FCSK: variants seen among roughly 807,000 people sequenced by gnomAD.
FCSK encodes the protein L-fucose kinase.
A neutral mutation model predicts 122.5 loss-of-function variants in FCSK; 123 were observed. The observed-to-expected ratio is 1.00, with a 90% confidence interval of 0.87 to 1.17. The LOEUF (loss-of-function observed/expected upper bound fraction) is 1.17, where lower values mean the gene tolerates loss of function less well. Among genes scored for constraint, FCSK ranks in the 50% most tolerant of loss-of-function variants. FCSK has a pLI of 0.00. For synonymous variants in FCSK, 620 were observed against 625.5 expected (o/e 0.99, Z 0.13); for missense variants, 1,366 against 1,450.4 (o/e 0.94, Z 0.95).
chr16:70,466,374 G>A (rs532937551), intron 5 of FCSK, 117 bp downstream of exon 5: 2 of 1,317,336 alleles, frequency 1.5e-6, no homozygotes, highest in East Asian at 2.5e-5. Context: ...TTTTGAGGGT[G>A]CCTAATGTTA....
intron 7 of FCSK, 79 bp from the exon 8 acceptor site, chr16:70,467,807 T>C: frequency 2.4e-6 from 3 of 1,241,486 alleles, no homozygotes; most frequent in Non-Finnish European, 3.6e-6. Context: ...GAGAATGCCC[T>C]TGCTGCCACC....
chr16:70,470,504 C>T, intron 11 of FCSK, 78 bp downstream of exon 11: 1 of 888,186 alleles, frequency 1.1e-6, no homozygotes. Context: ...AAGAAAATAG[C>T]CGGCACTTGG....
chr16:70,462,715 G>T (rs2048303992), intron 1 of FCSK, among the ~76,000 whole-genome samples: 1 of 152,128 alleles, frequency 6.6e-6, no homozygotes, highest in Non-Finnish European at 1.5e-5. Flanking sequence ...CGCGATCTTG[G>T]CCCACTGCAG....
At chr16:70,455,011 C>T (rs897398234) in intron 1 of FCSK, 2 of 152,194 alleles carry the variant, frequency 1.3e-5, no homozygotes, top group Non-Finnish European at 2.9e-5. Flanking sequence ...GTTTACCCGG[C>T]CAGGGCTCAG....
At chr16:70,467,343 C>A in intron 6 of FCSK, 31 bp from the exon 7 acceptor site, 1 of 1,538,946 alleles carries the variant, frequency 6.5e-7, no homozygotes, top group South Asian at 1.2e-5. Context: ...GTGGAGGCCC[C>A]TGGGAGCCTC....
chr16:70,468,858 G>A lies in FCSK; in HGVS notation c.673G>A (p.Val225Ile). 2 of 1,614,088 alleles carry A rather than the reference G, an allele frequency of 1.2e-6. No homozygotes were observed. The highest frequency in any genetic ancestry group is 1.1e-5 in the South Asian group (1 of 91,080). ...TTGGGGTCCCTTCCAGGTCTCTGGG[G>A]TTGTCTTCTTCTCTGTGGAGACTGC... ...PDGRVPLVSG[V>I]VFFSVETAER... Residue 225 changes from valine to isoleucine, a missense_variant, in exon 9 of 24, where the codon GTT becomes ATT. Transcript: ENST00000288078.
chr16:70,468,754 A>G, intron 8 of FCSK, 95 bp from the exon 9 acceptor site: 3 of 1,492,104 alleles, frequency 2.0e-6, no homozygotes, highest in Non-Finnish European at 1.8e-6. Flanking sequence ...TATGGCACTC[A>G]GCTTCATGTG....
intron 5 of FCSK, 72 bp from the exon 6 acceptor site, chr16:70,466,810 C>A (rs1008470929): frequency 1.4e-6 from 2 of 1,394,064 alleles, no homozygotes; most frequent in African/African-American, 1.4e-5. Flanking sequence ...AGCACAGTAT[C>A]CTTGGGCAAG....
chr16:70,471,360 G>A lies in FCSK; in HGVS notation c.1341+8G>A. 2.6e-6 allele frequency: 4 copies of A among 1,564,310 alleles called. No homozygotes were observed. Among genetic ancestry groups the A allele is most frequent in the Non-Finnish European group, 3.5e-6 (4 of 1,150,680 alleles). ...CGTCTGGACAGCTGGGAGGTAGGCA[G>A]TCACCCTGCATTCCCTCACCCCCAT... On this transcript the variant is annotated splice_region_variant and intron_variant, in intron 13 of 23. Coordinates refer to ENST00000288078, the MANE Select transcript of FCSK (RefSeq NM_145059.3).
At chr16:70,472,028 C>A (rs1597626714) in intron 13 of FCSK, among the ~76,000 whole-genome samples, 1 of 152,120 alleles carries the variant, frequency 6.6e-6, no homozygotes, top group Admixed American at 6.6e-5. Context: ...AGGATGGTCT[C>A]AATCTCCCGA....
At chr16:70,463,411 C>A in intron 2 of FCSK, 139 bp downstream of exon 2, 1 of 884,328 alleles carries the variant, frequency 1.1e-6, no homozygotes, top group Non-Finnish European at 1.8e-6. Flanking sequence ...TGACAGCATA[C>A]GTGGCATGTC....
rs372869435 is a variant in FCSK at position 70,473,154 on chromosome 16, G to A, written c.1578G>A (p.Trp526Ter). ...GEALRAWRAS[W>*]RLSWEQLQPC... is the part of the protein sequence containing the mutation. ...CCCTGCGAGCCTGGCGGGCCTCCTG[G>A]CGCCTGTCCTGGGAGCAGCTGCAGC... Residue 526 changes from tryptophan (W) to a stop codon, truncating the protein, a stop_gained, in exon 15 of 24, where the codon TGG becomes TGA. Coordinates refer to ENST00000288078, the MANE Select transcript of FCSK (RefSeq NM_145059.3). LOFTEE classifies it high-confidence loss of function. This position sits in a 1 kb window ranked among gnomAD's most constrained non-coding sequence, Gnocchi z 4.9. The A allele has an allele frequency of 1.0e-5, 16 of 1,549,972 alleles. No individual in the cohort carries two copies. Among genetic ancestry groups the A allele is most frequent in the African/African-American group, 2.7e-5 (2 of 73,318 alleles).
rs1476674821 is a variant in FCSK at position 70,479,415 on chromosome 16, G to A, written c.3153+12G>A. 2 of 1,607,112 alleles carry A rather than the reference G, an allele frequency of 1.2e-6. No individual in the cohort carries two copies. The highest frequency in any genetic ancestry group is 8.5e-7 in the Non-Finnish European group (1 of 1,176,202). On this transcript the variant is annotated intron_variant, in intron 23 of 23. Coordinates refer to ENST00000288078, the MANE Select transcript of FCSK (RefSeq NM_145059.3). Reference sequence around the variant, plus strand: ...TGGCCAAGACCGAGGTACTGATGGGGCTGGGGTTGGTAAAGAGACCTCTGG... The same window carrying A: ...TGGCCAAGACCGAGGTACTGATGGGACTGGGGTTGGTAAAGAGACCTCTGG...
intron 6 of FCSK, 93 bp downstream of exon 6, chr16:70,467,047 G>A: frequency 1.7e-6 from 2 of 1,167,134 alleles, no homozygotes; most frequent in Non-Finnish European, 2.5e-6. Context: ...CTCTGGGCCT[G>A]CCCCGCTGCC....
intron 4 of FCSK, among the ~76,000 whole-genome samples, chr16:70,465,822 G>A (rs938311303): frequency 2.6e-5 from 4 of 152,076 alleles, no homozygotes; most frequent in African/African-American, 9.7e-5. Flanking sequence ...GCATGGTGGT[G>A]CATGCCTGTA....
chr16:70,472,861 C>T (rs1023672656), intron 14 of FCSK, 122 bp from the exon 15 acceptor site: 1 of 1,271,522 alleles, frequency 7.9e-7, no homozygotes, highest in Non-Finnish European at 1.1e-6. Context: ...ACCTGAATTG[C>T]CCACTTATGC....
At chr16:70,464,913 A>G in intron 3 of FCSK, 1 of 944,018 alleles carries the variant, frequency 1.1e-6, no homozygotes, top group Non-Finnish European at 1.6e-6. Flanking sequence ...ACCAGCCAGC[A>G]AGAAGGTGGC....
chr16:70,469,019 G>A (rs1356248062), intron 9 of FCSK, 51 bp downstream of exon 9: 3 of 1,608,724 alleles, frequency 1.9e-6, no homozygotes, highest in Admixed American at 1.7e-5. Flanking sequence ...GCGAGGCACT[G>A]TGTGACCTCA....
Position 70,465,137 on chromosome 16 carries a change from C to T in FCSK, c.246C>T (p.Ser82=), listed in dbSNP as rs752943477. 2.7e-5 allele frequency: 44 copies of T among 1,613,680 alleles called. No homozygotes were observed. Among genetic ancestry groups the T allele is most frequent in the South Asian group, 1.3e-4 (12 of 90,986 alleles). Reference sequence around the variant, plus strand: ...TCCCACTCCTGCAGGTGGTCACATCCGATGTCCTGCACTCGGCCTGGATCC... The same window carrying T: ...TCCCACTCCTGCAGGTGGTCACATCTGATGTCCTGCACTCGGCCTGGATCC... ...SARAGFTVVT[S]DVLHSAWILI... is the part of the protein sequence containing the mutation. The change falls in exon 4 of 24, where the codon TCC becomes TCT. Residue 82 remains serine (S), a synonymous_variant. Coordinates refer to ENST00000288078, the MANE Select transcript of FCSK (RefSeq NM_145059.3).
Sources: allele counts gnomAD v4.1 joint callset (sites outside exome capture counted in the v4.1 genomes callset), GRCh38; gene constraint gnomAD v4.1.1; non-coding constraint Gnocchi (gnomAD v3.1); transcripts MANE v1.5; gene names NCBI Gene and HGNC (gene_info 2026-07-23, HGNC 2026-07-21).